XRRA1: variants seen among roughly 807,000 people sequenced by gnomAD.
XRRA1 encodes the protein X-ray radiation resistance-associated protein 1.
A neutral mutation model predicts 80.2 loss-of-function variants in XRRA1; 69 were observed. The ratio of observed to expected loss-of-function variants is 0.86; its 90% CI spans 0.71 to 1.05. XRRA1 has a LOEUF of 1.05. XRRA1 is among the 50% of genes least tolerant of loss of function. The probability of loss-of-function intolerance (pLI) is 0.00; values close to 1 mark genes in which losing one functional copy is unlikely to be tolerated. For synonymous variants in XRRA1, 348 were observed against 389.9 expected (o/e 0.89, Z 1.27); for missense variants, 967 against 976.4 (o/e 0.99, Z 0.13).
At chr11:74,921,153 G>T in intron 8 of XRRA1, 61 bp downstream of exon 8, 37 of 1,590,926 alleles carry the variant, frequency 2.3e-5, no homozygotes, top group Non-Finnish European at 3.0e-5. Flanking sequence ...GCTGCTATGG[G>T]CTATTTCCTT....
At position 74,882,511 on chromosome 11, in the gene XRRA1, G is replaced by A. The variant is rs370679093; in HGVS notation, c.1004-19490C>T. Among the ~76,000 whole-genome samples the A allele has an allele frequency of 6.1e-4, 93 of 152,306 alleles. 2 individuals are homozygous for A. The East Asian group carries it at 0.015, about 24-fold the overall frequency. On this transcript the variant is annotated intron_variant, in intron 10 of 18. Transcript: ENST00000684022. The stretch of plus-strand genomic sequence containing the variant: ...GTCTGAAGCCTTCTTCTCTCAGCTC[G>A]TCAAAGTCATTCTCCATCCAGGTTT...
intron 12 of XRRA1, among the ~76,000 whole-genome samples, chr11:74,854,708 T>TA (rs2040664608): frequency 6.6e-6 from 1 of 152,176 alleles, no homozygotes; most frequent in Non-Finnish European, 1.5e-5. Context: ...ATCCATTTAC[T>TA]AAAGTTTCAG....
chr11:74,851,316 A>T, intron 13 of XRRA1, 113 bp from the exon 14 acceptor site: 1 of 724,452 alleles, frequency 1.4e-6, no homozygotes, highest in South Asian at 2.0e-5. Context: ...ACTTATTCTC[A>T]ACCCTAGGAG....
At chr11:74,847,407 C>G (rs1263630962) in intron 15 of XRRA1, among the ~76,000 whole-genome samples, 1 of 152,108 alleles carries the variant, frequency 6.6e-6, no homozygotes, top group Non-Finnish European at 1.5e-5. Flanking sequence ...CTTATATTAC[C>G]CTTTGCCACA....
At chr11:74,895,528 G>GTGTT (rs1328367990) in intron 10 of XRRA1, among the ~76,000 whole-genome samples, 3 of 152,232 alleles carry the variant, frequency 2.0e-5, no homozygotes, top group African/African-American at 7.2e-5. Flanking sequence ...GCAACTCCTA[G>GTGTT]TGTTAGGCTG....
chr11:74,914,079 A>G (rs994281224), intron 8 of XRRA1, among the ~76,000 whole-genome samples: 18 of 152,248 alleles, frequency 1.2e-4, no homozygotes, highest in African/African-American at 4.3e-4. Flanking sequence ...ACTGCCTCCC[A>G]GGTTCAAGCG....
intron 10 of XRRA1, among the ~76,000 whole-genome samples, chr11:74,887,382 C>T (rs2049298872): frequency 6.6e-6 from 1 of 152,134 alleles, no homozygotes; most frequent in African/African-American, 2.4e-5. Flanking sequence ...AAAAAACCAC[C>T]CCATTAAAAA....
intron 10 of XRRA1, 112 bp from the exon 11 acceptor site, chr11:74,863,133 G>A (rs759882060): frequency 1.4e-5 from 14 of 1,002,608 alleles, no homozygotes; most frequent in Non-Finnish European, 2.0e-5. Flanking sequence ...CTCCTAGAGG[G>A]AGTTCTCATT....
At chr11:74,909,555 A>G (rs2055393823) in intron 8 of XRRA1, among the ~76,000 whole-genome samples, 2 of 152,130 alleles carry the variant, frequency 1.3e-5, no homozygotes, top group South Asian at 4.1e-4. Context: ...AGCATGGGAA[A>G]GTTTCATTTT....
intron 12 of XRRA1, among the ~76,000 whole-genome samples, chr11:74,857,289 A>T (rs2041331482): frequency 6.6e-6 from 1 of 152,208 alleles, no homozygotes; most frequent in African/African-American, 2.4e-5. Flanking sequence ...ATAGGTTGCA[A>T]GTAAATGGAC....
At chr11:74,843,736 C>T in intron 18 of XRRA1, 118 bp downstream of exon 18, 1 of 937,038 alleles carries the variant, frequency 1.1e-6, no homozygotes, top group Non-Finnish European at 1.6e-6. Context: ...CATGTAGAGA[C>T]TGATGTAGGC....
intron 2 of XRRA1, among the ~76,000 whole-genome samples, chr11:74,944,193 C>T (rs1177109832): frequency 6.6e-6 from 1 of 152,102 alleles, no homozygotes; most frequent in Non-Finnish European, 1.5e-5. Flanking sequence ...GAAGGGGTAC[C>T]TTCAATGGAC....
chr11:74,856,632 G>A (rs2041172292), intron 12 of XRRA1, among the ~76,000 whole-genome samples: 1 of 152,198 alleles, frequency 6.6e-6, no homozygotes, highest in African/African-American at 2.4e-5. Context: ...ACCAAGCGTG[G>A]CCTAGAGTAA....
intron 1 of XRRA1, among the ~76,000 whole-genome samples, chr11:74,948,160 G>C (rs1343167827): frequency 1.3e-5 from 2 of 152,128 alleles, no homozygotes; most frequent in African/African-American, 4.8e-5. Context: ...ACGCTTATGG[G>C]GGATATATAG....
At chr11:74,889,561 C>T (rs986700064) in intron 10 of XRRA1, among the ~76,000 whole-genome samples, 6 of 152,142 alleles carry the variant, frequency 3.9e-5, no homozygotes, top group African/African-American at 1.4e-4. Context: ...CAATATTAAC[C>T]TTAAGTGTCA....
At chr11:74,868,274 A>T (rs1189307584) in intron 10 of XRRA1, among the ~76,000 whole-genome samples, 1 of 152,214 alleles carries the variant, frequency 6.6e-6, no homozygotes, top group Admixed American at 6.5e-5. Context: ...AGCCAAGCTA[A>T]GCTTTGTAAG....
chr11:74,883,627 G>A (rs1317239711), intron 10 of XRRA1, among the ~76,000 whole-genome samples: 1 of 152,162 alleles, frequency 6.6e-6, no homozygotes, highest in Non-Finnish European at 1.5e-5. Context: ...AACTCCAAAT[G>A]GTGCTGCAGA....
chr11:74,923,294 C>CT (rs1274843574), intron 7 of XRRA1, among the ~76,000 whole-genome samples: 1 of 152,164 alleles, frequency 6.6e-6, no homozygotes, highest in Non-Finnish European at 1.5e-5. Flanking sequence ...TAAGAAATGG[C>CT]TTGATAGGAC....
chr11:74,941,251 T>C (rs530567527), intron 2 of XRRA1, among the ~76,000 whole-genome samples: 2 of 151,916 alleles, frequency 1.3e-5, no homozygotes, highest in Non-Finnish European at 2.9e-5. Context: ...TTATAATACC[T>C]ACCTTAAAAG....
Sources: allele counts gnomAD v4.1 joint callset (sites outside exome capture counted in the v4.1 genomes callset), GRCh38; gene constraint gnomAD v4.1.1; transcripts MANE v1.5; gene names NCBI Gene and HGNC (gene_info 2026-07-23, HGNC 2026-07-21).